The following LGSN variants were observed in gnomAD, a reference collection of about 807,000 sequenced individuals.
LGSN encodes the protein lengsin, lens protein with glutamine synthetase domain.
LGSN carries 21 observed loss-of-function variants against 19.5 expected under a neutral mutation model. The observed-to-expected ratio is 1.07, with a 90% CI of 0.76 to 1.55. The LOEUF (loss-of-function observed/expected upper bound fraction) is 1.55. Among genes scored for constraint, LGSN ranks in the 40% most tolerant of loss-of-function variants. The probability of loss-of-function intolerance (pLI) is 0.00; values close to 1 mark genes in which losing one functional copy is unlikely to be tolerated. For synonymous variants in LGSN, 257 were observed against 215.6 expected (o/e 1.19, Z -1.68); for missense variants, 673 against 608.5 (o/e 1.11, Z -1.12).
At chr6:63,417,020 T>C in the LGSN span, among the ~76,000 whole-genome samples, 1 of 151,968 alleles carries the variant, frequency 6.6e-6, no homozygotes, top group Admixed American at 6.6e-5. Context: ...CAAAAACAGA[T>C]GTGAAACAAC....
At chr6:63,362,316 T>G in the LGSN span, among the ~76,000 whole-genome samples, 1 of 152,218 alleles carries the variant, frequency 6.6e-6, no homozygotes, top group Admixed American at 6.5e-5. Context: ...ACGGGTGATT[T>G]CTGCATTTCC....
the LGSN span, among the ~76,000 whole-genome samples, chr6:63,467,999 T>C: frequency 6.6e-6 from 1 of 152,102 alleles, no homozygotes; most frequent in Non-Finnish European, 1.5e-5. Flanking sequence ...GTCTTAATTA[T>C]CTCTTTAATT....
chr6:63,376,333 A>T, the LGSN span, among the ~76,000 whole-genome samples: 5 of 152,216 alleles, frequency 3.3e-5, no homozygotes, highest in African/African-American at 1.2e-4. Context: ...GCAGATAATA[A>T]ACACCAGGAG....
At chr6:63,285,541 C>T in intron 3 of LGSN, 46 bp downstream of exon 3, 2 of 1,454,366 alleles carry the variant, frequency 1.4e-6, no homozygotes, top group East Asian at 2.3e-5. Flanking sequence ...TGTTTGCTTG[C>T]TAATGGTCAT....
the LGSN span, among the ~76,000 whole-genome samples, chr6:63,431,096 G>T: frequency 6.6e-6 from 1 of 152,036 alleles, no homozygotes; most frequent in Non-Finnish European, 1.5e-5. Flanking sequence ...TATCCCATTT[G>T]ATCTTCACAA....
chr6:63,413,541 G>A, the LGSN span, among the ~76,000 whole-genome samples: 1 of 152,150 alleles, frequency 6.6e-6, no homozygotes, highest in African/African-American at 2.4e-5. Flanking sequence ...CATTGGGCTA[G>A]AAATAGAGAT....
chr6:63,328,108 C>T, the LGSN span, among the ~76,000 whole-genome samples: 10 of 152,276 alleles, frequency 6.6e-5, no homozygotes, highest in African/African-American at 2.4e-4. Flanking sequence ...GGGTAAGTGC[C>T]ACTAGTTCTG....
At chr6:63,286,246 C>T (rs1308584400) in intron 2 of LGSN, among the ~76,000 whole-genome samples, 1 of 151,972 alleles carries the variant, frequency 6.6e-6, no homozygotes, top group Non-Finnish European at 1.5e-5. Context: ...GTTTTTTGCC[C>T]AAAGGGCTTT....
the LGSN span, among the ~76,000 whole-genome samples, chr6:63,453,637 A>T: frequency 2.6e-5 from 4 of 151,610 alleles, 1 homozygote; most frequent in Non-Finnish European, 5.9e-5. Flanking sequence ...TTTTACTTTG[A>T]ACAAACATCT....
rs942269644 is a variant in LGSN at position 63,315,726 on chromosome 6, CTG to C, written c.30+4186_30+4187del. Among the ~76,000 whole-genome samples the C allele has an allele frequency of 2.0e-5, 3 of 150,458 alleles. No individual in the cohort carries two copies. In the Admixed American group the frequency reaches 2.0e-4, roughly 10 times the overall value. Reference sequence around the variant, plus strand: ...ATATTTCAGTGAGGCAACTGAGGATCTGATAAATGCAGCAACTTGACTGGCTT... The same window carrying C: ...ATATTTCAGTGAGGCAACTGAGGATCATAAATGCAGCAACTTGACTGGCTT... On this transcript the variant is annotated intron_variant, in intron 1 of 3. Coordinates refer to ENST00000370657, the MANE Select transcript of LGSN (RefSeq NM_016571.3).
At chr6:63,519,294 C>T in the LGSN span, among the ~76,000 whole-genome samples, 6 of 151,152 alleles carry the variant, frequency 4.0e-5, no homozygotes, top group Admixed American at 2.0e-4. Context: ...GTGACAAAGG[C>T]GAAACTCTGT....
chr6:63,388,047 T>G, the LGSN span, among the ~76,000 whole-genome samples: 63 of 151,376 alleles, frequency 4.2e-4, no homozygotes, highest in Non-Finnish European at 7.4e-4. Context: ...TTTGTTTTTT[T>G]TTTTTTTTAG....
the LGSN span, among the ~76,000 whole-genome samples, chr6:63,535,614 A>C: frequency 1.3e-5 from 2 of 152,236 alleles, no homozygotes; most frequent in Non-Finnish European, 2.9e-5. Flanking sequence ...GAGGTATCGA[A>C]TGTTAATAAA....
chr6:63,441,536 A>G, the LGSN span: 1 of 416,724 alleles, frequency 2.4e-6, no homozygotes, highest in Non-Finnish European at 4.6e-6. Context: ...ACAGACCACA[A>G]GTGGGAGAGG....
the LGSN span, among the ~76,000 whole-genome samples, chr6:63,556,960 T>C: frequency 6.6e-6 from 1 of 152,232 alleles, no homozygotes; most frequent in East Asian, 1.9e-4. Flanking sequence ...TCAGGGTTTC[T>C]GTTGTCTACC....
At chr6:63,335,775 CA>C in the LGSN span, among the ~76,000 whole-genome samples, 1 of 151,742 alleles carries the variant, frequency 6.6e-6, no homozygotes. Flanking sequence ...AAAAAAAAAT[CA>C]AAAAATAGAA....
chr6:63,530,344 G>C, the LGSN span, among the ~76,000 whole-genome samples: 1 of 152,144 alleles, frequency 6.6e-6, no homozygotes, highest in Admixed American at 6.6e-5. Flanking sequence ...AAGCACAAAG[G>C]CTGAATATTA....
At chr6:63,383,519 T>A in the LGSN span, among the ~76,000 whole-genome samples, 928 of 152,136 alleles carry the variant, frequency 6.1e-3, 9 homozygotes, top group African/African-American at 0.021. Context: ...AACAGGGCGT[T>A]TTTTTAATCC....
chr6:63,312,984 C>T (rs940257864), intron 1 of LGSN, among the ~76,000 whole-genome samples: 2 of 152,018 alleles, frequency 1.3e-5, no homozygotes, highest in Non-Finnish European at 2.9e-5. Context: ...TGGAGGTGTC[C>T]AGCAAGCATT....
Sources: gnomAD v4.1 joint callset for allele counts (sites outside exome capture counted in the v4.1 genomes callset) on GRCh38, gnomAD v4.1.1 for gene constraint, MANE v1.5 for transcripts, NCBI Gene and HGNC (gene_info 2026-07-23, HGNC 2026-07-21) for gene names.